Variants in AKAP9 observed in about 807,000 individuals in gnomAD.
AKAP9 encodes the protein A-kinase anchor protein 9.
AKAP9 carries 311 observed loss-of-function variants against 488.5 expected under a neutral mutation model. The ratio of observed to expected loss-of-function variants is 0.64; its 90% CI spans 0.58 to 0.70. AKAP9 has a LOEUF of 0.70. Ranked by LOEUF, AKAP9 falls within the 30% of genes least tolerant of loss-of-function variation. AKAP9 has a pLI of 0.00. For missense variants in AKAP9, 4,215 were observed against 4,374.5 expected (o/e 0.96, Z 1.03); for synonymous variants, 1,462 against 1,483.5 (o/e 0.99, Z 0.33).
intron 9 of AKAP9, 28 bp downstream of exon 9, chr7:92,012,670 C>A: frequency 6.5e-7 from 1 of 1,549,608 alleles, no homozygotes; most frequent in African/African-American, 1.4e-5. Flanking sequence ...TTATAAGTAC[C>A]ATGATCCAAA....
chr7:92,045,170 A>C lies in AKAP9; in HGVS notation c.5325A>C (p.Ala1775=). ...SSASLIWRSE[A]EASVKSCVHE... The stretch of plus-strand genomic sequence containing the variant: ...CCAGCCTAATTTGGAGGTCAGAAGC[A>C]GAGGCATCTGTAAAGTCATGTGTCC... Residue 1775 remains alanine, a synonymous_variant, in exon 21 of 50, where the codon GCA becomes GCC. Coordinates refer to ENST00000356239, the MANE Select transcript of AKAP9 (RefSeq NM_005751.5). 1 of 1,614,010 alleles carries C rather than the reference A, an allele frequency of 6.2e-7. No homozygotes were observed. Among genetic ancestry groups the C allele is most frequent in the South Asian group, 1.1e-5 (1 of 91,080 alleles).
At chr7:91,979,097 A>G (rs1391912654) in intron 2 of AKAP9, among the ~76,000 whole-genome samples, 3 of 151,944 alleles carry the variant, frequency 2.0e-5, no homozygotes, top group Non-Finnish European at 4.4e-5. Context: ...TAACAGTAGC[A>G]TTTTAGGACT....
At chr7:92,061,583 A>AATATATATATATATAT (rs1563069126) in intron 23 of AKAP9, among the ~76,000 whole-genome samples, 161 bp downstream of exon 23, 3 of 33,818 alleles carry the variant, frequency 8.9e-5, no homozygotes, top group Admixed American at 4.0e-4. Context: ...AATTTTTAAA[A>AATATATATATATATAT]CTATATATAT....
chr7:91,986,593 T>C (rs1217337029), intron 3 of AKAP9, among the ~76,000 whole-genome samples: 1 of 152,200 alleles, frequency 6.6e-6, no homozygotes, highest in Non-Finnish European at 1.5e-5. Context: ...CAAAAGATGG[T>C]GATTTTCAGG....
At chr7:91,974,781 G>C (rs1795457746) in intron 2 of AKAP9, among the ~76,000 whole-genome samples, 2 of 151,978 alleles carry the variant, frequency 1.3e-5, no homozygotes, top group Non-Finnish European at 1.5e-5. Context: ...ATGTTACCTT[G>C]TTTTCAGTGT....
chr7:91,964,075 C>A (rs1034944451), intron 1 of AKAP9, among the ~76,000 whole-genome samples: 2 of 152,026 alleles, frequency 1.3e-5, no homozygotes, highest in African/African-American at 4.8e-5. Context: ...ATTAGAAAAT[C>A]TATTGCATAA....
chr7:91,967,382 C>T (rs1794546857), intron 1 of AKAP9, among the ~76,000 whole-genome samples: 2 of 152,128 alleles, frequency 1.3e-5, no homozygotes. Context: ...TGTCTTGTTC[C>T]AGACTTAGAG....
chr7:92,043,993 A>G (rs1806552387), intron 20 of AKAP9, among the ~76,000 whole-genome samples: 2 of 152,206 alleles, frequency 1.3e-5, no homozygotes, highest in Non-Finnish European at 2.9e-5. Flanking sequence ...TAAGAAAATT[A>G]ATCAGGCAGT....
chr7:92,050,573 T>C (rs1859113), intron 21 of AKAP9, among the ~76,000 whole-genome samples: 63,092 of 152,012 alleles, frequency 0.42, 13,562 homozygotes, highest in African/African-American at 0.51. Flanking sequence ...TTTTTGTCTG[T>C]TGGAACATCT....
At chr7:92,094,930 G>A (rs1816301918) in intron 39 of AKAP9, 93 bp from the exon 40 acceptor site, 1 of 1,088,720 alleles carries the variant, frequency 9.2e-7, no homozygotes, top group Non-Finnish European at 1.4e-6. Flanking sequence ...TTTATTATAT[G>A]CCTCAACTTA....
At chr7:92,074,271 A>T (rs1462995273) in intron 28 of AKAP9, among the ~76,000 whole-genome samples, 1 of 152,222 alleles carries the variant, frequency 6.6e-6, no homozygotes, top group Non-Finnish European at 1.5e-5. Context: ...AGAAAAGCTC[A>T]TCATCACTGG....
chr7:91,969,017 G>A (rs1000943812), intron 1 of AKAP9, among the ~76,000 whole-genome samples: 4 of 151,858 alleles, frequency 2.6e-5, no homozygotes, highest in East Asian at 1.9e-4. Flanking sequence ...CACCACAGGC[G>A]TGGGACACCA....
intron 22 of AKAP9, among the ~76,000 whole-genome samples, chr7:92,053,171 T>G (rs1808270627): frequency 6.6e-6 from 1 of 152,180 alleles, no homozygotes; most frequent in Non-Finnish European, 1.5e-5. Flanking sequence ...TGCTTTTGTT[T>G]TGTTTTGGTT....
chr7:91,964,614 AAG>A (rs1265067069), intron 1 of AKAP9, among the ~76,000 whole-genome samples: 1 of 152,112 alleles, frequency 6.6e-6, no homozygotes, highest in Non-Finnish European at 1.5e-5. Flanking sequence ...AAAAAATAGA[AAG>A]AGAAAAACAT....
At chr7:92,034,024 C>A (rs536052707) in intron 16 of AKAP9, among the ~76,000 whole-genome samples, 5 of 152,022 alleles carry the variant, frequency 3.3e-5, no homozygotes, top group Admixed American at 1.3e-4. Context: ...TAGGAAAATC[C>A]ATGGGGAGTG....
At position 92,079,706 on chromosome 7, in the gene AKAP9, A is replaced by G. The variant is rs1220477751; in HGVS notation, c.7573A>G (p.Met2525Val). Reference sequence around the variant, plus strand: ...CCAGTGTTATAAACAAATAAAAGACATGCAAGAACAAGGCCAGTTTGAAAC... The same window carrying G: ...CCAGTGTTATAAACAAATAAAAGACGTGCAAGAACAAGGCCAGTTTGAAAC... Reference protein sequence around the residue: ...LTQCYKQIKDMQEQGQFETEM... With the variant: ...LTQCYKQIKDVQEQGQFETEM... The change falls in exon 31 of 50, where the codon ATG (methionine) becomes GTG (valine). Residue 2525 changes from methionine to valine, a missense_variant. Physicochemically the swap from Met to Val is conservative, Grantham distance 21 (BLOSUM62 1). Coordinates refer to ENST00000356239, the MANE Select transcript of AKAP9 (RefSeq NM_005751.5). 1.9e-6 allele frequency: 3 copies of G among 1,614,136 alleles called. No individual in the cohort carries two copies. The Admixed American group carries it at 5.0e-5, about 27-fold the overall frequency.
chr7:91,985,240 G>A (rs1039258029), intron 3 of AKAP9, among the ~76,000 whole-genome samples: 4 of 152,162 alleles, frequency 2.6e-5, no homozygotes, highest in Non-Finnish European at 4.4e-5. Context: ...GTATGATATT[G>A]GCTGTGGGTT....
chr7:92,001,496 C>G lies in AKAP9; in HGVS notation c.1579C>G (p.Gln527Glu), dbSNP rs754559990. ...GLILEEKCAL[Q>E]RQLEDLVEEL... Reference sequence around the variant, plus strand: ...AATTTTAGAAGAAAAGTGTGCTCTACAGAGACAGCTTGAAGACCTTGTTGA... The same window carrying G: ...AATTTTAGAAGAAAAGTGTGCTCTAGAGAGACAGCTTGAAGACCTTGTTGA... The change falls in exon 8 of 50, where the codon CAG becomes GAG. Residue 527 changes from glutamine (Q) to glutamate (E), a missense_variant. By Grantham distance (29) the Gln-to-Glu change is conservative. Coordinates refer to ENST00000356239, the MANE Select transcript of AKAP9 (RefSeq NM_005751.5). The G allele has an allele frequency of 1.9e-6, 3 of 1,613,894 alleles. No individual in the cohort carries two copies. In the East Asian group the frequency reaches 6.7e-5, roughly 36 times the overall value.
At chr7:92,041,960 C>G in intron 18 of AKAP9, 86 bp from the exon 19 acceptor site, 3 of 1,458,284 alleles carry the variant, frequency 2.1e-6, no homozygotes, top group Non-Finnish European at 2.8e-6. Context: ...CTGTTGGTCC[C>G]GGGGGTTAAA....
Sources: allele counts gnomAD v4.1 joint callset (sites outside exome capture counted in the v4.1 genomes callset), GRCh38; gene constraint gnomAD v4.1.1; transcripts MANE v1.5; gene names NCBI Gene and HGNC (gene_info 2026-07-23, HGNC 2026-07-21).